RHOJ: variants seen among roughly 807,000 people sequenced by gnomAD.
RHOJ encodes the protein rho-related GTP-binding protein RhoJ.
RHOJ carries 11 observed loss-of-function variants against 23.4 expected under a neutral mutation model. The observed-to-expected ratio is 0.47, with a 90% CI of 0.30 to 0.78. The LOEUF is 0.78. Among genes scored for constraint, RHOJ ranks in the 30% least tolerant of loss-of-function variants. The pLI is 0.08. For missense variants in RHOJ, 254 were observed against 273.4 expected, an observed-to-expected ratio of 0.93 and a Z score of 0.50; for synonymous variants, 102 against 102.7, an observed-to-expected ratio of 0.99 and a Z score of 0.04.
At chr14:63,253,498 C>T (rs978042711) in intron 1 of RHOJ, among the ~76,000 whole-genome samples, 4 of 151,996 alleles carry the variant, frequency 2.6e-5, no homozygotes, top group African/African-American at 4.8e-5. Context: ...CCCAAAGTGC[C>T]GGGATTGCAG....
At position 63,204,886 on chromosome 14, in the gene RHOJ, G is replaced by C. The variant is rs369621079; in HGVS notation, c.17G>C (p.Gly6Ala). 13 of 1,613,652 alleles carry C rather than the reference G, an allele frequency of 8.1e-6. No individual in the cohort carries two copies. In the South Asian group the frequency reaches 1.3e-4, roughly 16 times the overall value. The change falls in exon 1 of 5, where the codon GGA (glycine) becomes GCA (alanine). Residue 6 changes from glycine to alanine, a missense_variant. Transcript: ENST00000316754. MNCKE[G>A]TDSSCGCRGN... ...GCCGCAAGAATGAACTGCAAAGAGG[G>C]AACTGACAGCAGCTGCGGCTGCAGG...
chr14:63,275,447 G>C (rs542239844), intron 2 of RHOJ, among the ~76,000 whole-genome samples: 2 of 152,218 alleles, frequency 1.3e-5, no homozygotes, highest in South Asian at 4.1e-4. Context: ...ATAATATTTA[G>C]GGCCCAGGTG....
intron 1 of RHOJ, among the ~76,000 whole-genome samples, chr14:63,261,436 T>TC (rs1490045634): frequency 6.6e-6 from 1 of 151,032 alleles, no homozygotes; most frequent in Non-Finnish European, 1.5e-5. Flanking sequence ...TTCTTTTTTT[T>TC]CCTTTTTTTT....
At chr14:63,249,200 T>C (rs1233944192) in intron 1 of RHOJ, among the ~76,000 whole-genome samples, 1 of 152,196 alleles carries the variant, frequency 6.6e-6, no homozygotes, top group African/African-American at 2.4e-5. Context: ...TCCCTGTCCT[T>C]ACAGAGCAAA....
intron 1 of RHOJ, among the ~76,000 whole-genome samples, chr14:63,242,357 T>G (rs946451756): frequency 4.6e-5 from 7 of 152,160 alleles, no homozygotes; most frequent in African/African-American, 1.7e-4. Flanking sequence ...ACCAGGAGTT[T>G]GAGAACACCC....
intron 1 of RHOJ, among the ~76,000 whole-genome samples, chr14:63,231,185 G>C (rs1894688813): frequency 6.6e-6 from 1 of 152,148 alleles, no homozygotes; most frequent in Non-Finnish European, 1.5e-5. Flanking sequence ...CACCGCGCCT[G>C]GCCGAGACTT....
chr14:63,231,168 T>C (rs954344828), intron 1 of RHOJ, among the ~76,000 whole-genome samples: 1 of 152,192 alleles, frequency 6.6e-6, no homozygotes, highest in African/African-American at 2.4e-5. Flanking sequence ...GGATTACATG[T>C]GTGAGCCACC....
chr14:63,269,376 T>G (rs1358384039), intron 2 of RHOJ: 6 of 448,590 alleles, frequency 1.3e-5, no homozygotes, highest in Non-Finnish European at 2.4e-5. Flanking sequence ...ATTCAAGGCA[T>G]TGATAGGTAA....
At chr14:63,222,406 T>C (rs2139738754) in intron 1 of RHOJ, among the ~76,000 whole-genome samples, 1 of 152,346 alleles carries the variant, frequency 6.6e-6, no homozygotes, top group South Asian at 2.1e-4. Flanking sequence ...CCACACTGTC[T>C]TCCACAGTGG....
chr14:63,280,650 C>A (rs994816987), intron 2 of RHOJ, among the ~76,000 whole-genome samples: 1 of 151,660 alleles, frequency 6.6e-6, no homozygotes, highest in Non-Finnish European at 1.5e-5. Flanking sequence ...TAAATGTATA[C>A]AATTTAAAAA....
intron 1 of RHOJ, among the ~76,000 whole-genome samples, chr14:63,250,223 A>G (rs569260382): frequency 5.9e-5 from 9 of 152,132 alleles, no homozygotes; most frequent in Non-Finnish European, 1.3e-4. Context: ...CACTCCAGCC[A>G]TATTGACCTT....
chr14:63,227,694 C>A (rs1353023790), intron 1 of RHOJ, among the ~76,000 whole-genome samples: 1 of 152,166 alleles, frequency 6.6e-6, no homozygotes, highest in African/African-American at 2.4e-5. Context: ...ATAGAAAATG[C>A]AAAGGGGACT....
intron 1 of RHOJ, among the ~76,000 whole-genome samples, chr14:63,213,306 C>T (rs1340566779): frequency 6.6e-6 from 1 of 152,162 alleles, no homozygotes; most frequent in Non-Finnish European, 1.5e-5. Flanking sequence ...AACTAGTGGT[C>T]CTCAGTATCT....
At chr14:63,206,712 G>A (rs967809262) in intron 1 of RHOJ, among the ~76,000 whole-genome samples, 1 of 152,118 alleles carries the variant, frequency 6.6e-6, no homozygotes, top group Non-Finnish European at 1.5e-5. Flanking sequence ...TCAAACAAAG[G>A]CTGAACCACA....
intron 1 of RHOJ, among the ~76,000 whole-genome samples, chr14:63,249,820 C>T (rs1013507083): frequency 3.3e-5 from 5 of 152,152 alleles, no homozygotes; most frequent in Non-Finnish European, 7.4e-5. Context: ...GCCTGGATAT[C>T]GATAGATTCT....
intron 1 of RHOJ, among the ~76,000 whole-genome samples, chr14:63,230,009 A>G (rs557891032): frequency 6.6e-6 from 1 of 152,076 alleles, no homozygotes; most frequent in African/African-American, 2.4e-5. Context: ...TCTCCTTTCA[A>G]TTTCTGGGAT....
intron 4 of RHOJ, among the ~76,000 whole-genome samples, chr14:63,284,869 C>T (rs1594779081): frequency 6.6e-6 from 1 of 152,184 alleles, no homozygotes; most frequent in Non-Finnish European, 1.5e-5. Flanking sequence ...CGTTTCAAAG[C>T]CTCCCATCTC....
intron 1 of RHOJ, among the ~76,000 whole-genome samples, chr14:63,250,509 G>A (rs985760210): frequency 1.3e-5 from 2 of 152,084 alleles, no homozygotes; most frequent in African/African-American, 2.4e-5. Flanking sequence ...CAAAGTGCTG[G>A]GATTACAAGC....
chr14:63,278,647 AT>A (rs1402855957), intron 2 of RHOJ, among the ~76,000 whole-genome samples: 1 of 152,152 alleles, frequency 6.6e-6, no homozygotes, highest in Non-Finnish European at 1.5e-5. Flanking sequence ...AATTTAATCA[AT>A]TTGTTTTTAA....
Sources: gnomAD v4.1 joint callset for allele counts (sites outside exome capture counted in the v4.1 genomes callset) on GRCh38, gnomAD v4.1.1 for gene constraint, MANE v1.5 for transcripts, NCBI Gene and HGNC (gene_info 2026-07-23, HGNC 2026-07-21) for gene names.